The following GUCY2C variants were observed in gnomAD, a reference collection of about 807,000 sequenced individuals.
GUCY2C encodes guanylyl cyclase C.
In GUCY2C, 118 loss-of-function variants were observed where a neutral mutation model predicts 131.1. The ratio of observed to expected loss-of-function variants is 0.90; its 90% CI spans 0.78 to 1.05. The LOEUF is 1.05. Ranked by LOEUF, GUCY2C falls within the 50% of genes least tolerant of loss-of-function variation. The probability of loss-of-function intolerance (pLI) is 0.00; values close to 1 mark genes in which losing one functional copy is unlikely to be tolerated. For missense variants in GUCY2C, 1,161 were observed against 1,304.4 expected (o/e 0.89, Z 1.69); for synonymous variants, 452 against 457.8 (o/e 0.99, Z 0.16).
In GUCY2C at chr12:14,613,190, A is replaced by C. The variant is rs1565600882; in HGVS notation, c.3149T>G (p.Val1050Gly). 6.2e-7 allele frequency: 1 copy of C among 1,613,244 alleles called. No homozygotes were observed. Among genetic ancestry groups the C allele is most frequent in the Non-Finnish European group, 8.5e-7 (1 of 1,179,522 alleles). ...AGIRSQKPRR[V>G]ASYKKGTLEY... ...CAGAGTGCCTTTTTTATAGCTGGCTACCCGTCTGGGTTTTTGGCTTCTTAT... is the reference window on the plus strand; with the variant it reads ...CAGAGTGCCTTTTTTATAGCTGGCTCCCCGTCTGGGTTTTTGGCTTCTTAT... Residue 1050 changes from valine (V) to glycine (G), a missense_variant, in exon 27 of 27, where the codon GTA (valine) becomes GGA (glycine). Val to Gly is a moderately radical substitution (Grantham distance 109, BLOSUM62 -3). Transcript: ENST00000261170. This position sits in a 1 kb window ranked among gnomAD's most constrained non-coding sequence, Gnocchi z 4.9.
At chr12:14,629,304 T>C (rs541144426) in intron 19 of GUCY2C, among the ~76,000 whole-genome samples, 4 of 152,244 alleles carry the variant, frequency 2.6e-5, no homozygotes, top group South Asian at 2.1e-4. Context: ...AAGAAGTTTA[T>C]TGGGGGTCTG....
chr12:14,612,915 C>T lies in GUCY2C; in HGVS notation c.*202G>A. 1 of 493,634 alleles carries T rather than the reference C, an allele frequency of 2.0e-6. No individual in the cohort carries two copies. Among genetic ancestry groups the T allele is most frequent in the East Asian group, 2.9e-5 (1 of 34,018 alleles). The allele number at this position is 493,634 out of a possible 1,614,324, so 30.6% of individuals were successfully genotyped here. A position where few individuals can be genotyped will look rare whatever the true frequency, so the allele number is the denominator to read the frequency against. On this transcript the variant is annotated 3_prime_UTR_variant, in exon 27 of 27. Transcript: ENST00000261170. ...CTGGAACAACTGCTGGAATAAGGTT[C>T]CAGAGTGGAAGGTAGTTATTTCACT... is the stretch of plus-strand genomic sequence containing the variant.
chr12:14,676,133 C>T (rs1329713483), intron 7 of GUCY2C, among the ~76,000 whole-genome samples: 1 of 152,108 alleles, frequency 6.6e-6, no homozygotes, highest in East Asian at 1.9e-4. Flanking sequence ...CCCATCCCAG[C>T]CTGCTCTCAA....
chr12:14,689,328 A>G (rs1461890236), intron 1 of GUCY2C, among the ~76,000 whole-genome samples: 2 of 152,124 alleles, frequency 1.3e-5, no homozygotes, highest in Non-Finnish European at 2.9e-5. Flanking sequence ...GATGAGAAAG[A>G]GTGTGGGTGG....
At chr12:14,677,953 A>G (rs1948274416) in intron 6 of GUCY2C, among the ~76,000 whole-genome samples, 1 of 152,086 alleles carries the variant, frequency 6.6e-6, no homozygotes, top group Admixed American at 6.6e-5. Flanking sequence ...AACTGCTGCA[A>G]TTAGGCTGAC....
intron 24 of GUCY2C, among the ~76,000 whole-genome samples, chr12:14,617,385 T>A (rs1946789063): frequency 6.6e-6 from 1 of 152,154 alleles, no homozygotes; most frequent in South Asian, 2.1e-4. Flanking sequence ...CCTAGGTTTT[T>A]CTCCATAGAT....
chr12:14,679,989 A>G (rs529398029), intron 5 of GUCY2C, among the ~76,000 whole-genome samples: 2 of 151,574 alleles, frequency 1.3e-5, no homozygotes, highest in Admixed American at 6.6e-5. Flanking sequence ...TTTTAATTTT[A>G]TAGATTTAAG....
intron 17 of GUCY2C, 63 bp downstream of exon 17, chr12:14,643,511 C>G: frequency 6.7e-7 from 1 of 1,492,362 alleles, no homozygotes; most frequent in African/African-American, 1.4e-5. Flanking sequence ...TTCCTGACCA[C>G]GCTACATGGG....
intron 20 of GUCY2C, among the ~76,000 whole-genome samples, chr12:14,626,750 G>A (rs964144243): frequency 2.0e-5 from 3 of 152,240 alleles, no homozygotes; most frequent in East Asian, 1.9e-4. Flanking sequence ...ATTATTAAGC[G>A]AAAAAGTCAG....
intron 15 of GUCY2C, among the ~76,000 whole-genome samples, chr12:14,646,482 C>A (rs1387997181): frequency 1.3e-5 from 2 of 152,136 alleles, no homozygotes; most frequent in African/African-American, 2.4e-5. Flanking sequence ...ACCCATCCTA[C>A]CCTGTTCTCA....
At chr12:14,630,404 A>G (rs1326074204) in intron 19 of GUCY2C, among the ~76,000 whole-genome samples, 3 of 152,150 alleles carry the variant, frequency 2.0e-5, no homozygotes, top group Non-Finnish European at 2.9e-5. Flanking sequence ...CTCTGTCTCC[A>G]TGGGTTCTGC....
rs371835339 is a variant in GUCY2C at position 14,625,886 on chromosome 12, T to C, written c.2279A>G (p.Tyr760Cys). Residue 760 changes from tyrosine (Y) to cysteine (C), a missense_variant, in exon 21 of 27, where the codon TAT becomes TGT. By Grantham distance (194) the Tyr-to-Cys change is radical. Coordinates refer to ENST00000261170, the MANE Select transcript of GUCY2C (RefSeq NM_004963.4). ...GLFHDQKNES[Y>C]MDTLIRRLQL... The stretch of plus-strand genomic sequence containing the variant: ...TAGACGTCGGATCAAGGTATCCATA[T>C]AGCTTTCATTTTTTTGGTCATGAAA... The C allele has an allele frequency of 8.7e-6, 14 of 1,613,378 alleles. No individual in the cohort carries two copies. Among genetic ancestry groups the C allele is most frequent in the African/African-American group, 5.3e-5 (4 of 74,912 alleles).
intron 18 of GUCY2C, among the ~76,000 whole-genome samples, chr12:14,640,519 G>C (rs141993635): frequency 2.6e-5 from 4 of 151,168 alleles, no homozygotes; most frequent in Admixed American, 6.6e-5. Flanking sequence ...TGCTACTGTC[G>C]CTGTAAAACT....
At chr12:14,689,848 A>G (rs1265864344) in intron 1 of GUCY2C, among the ~76,000 whole-genome samples, 1 of 152,216 alleles carries the variant, frequency 6.6e-6, no homozygotes, top group African/African-American at 2.4e-5. Flanking sequence ...GATACTGAGT[A>G]AATAGTCTAT....
Position 14,632,221 on chromosome 12 carries a change from C to G in GUCY2C, c.2158-3484G>C, listed in dbSNP as rs560291874. On this transcript the variant is annotated intron_variant, in intron 19 of 26. Transcript: ENST00000261170. ...TAGTTTCTTTTGCTGTGCAGAAGCT[C>G]TTTAGTTTAATTAGATCCCATTTGT... Among the ~76,000 whole-genome samples the G allele has an allele frequency of 8.5e-5, 13 of 152,152 alleles. No homozygotes were observed. In the South Asian group the frequency reaches 2.7e-3, roughly 32 times the overall value.
At chr12:14,622,419 G>C (rs1372296856) in intron 21 of GUCY2C, among the ~76,000 whole-genome samples, 2 of 152,140 alleles carry the variant, frequency 1.3e-5, no homozygotes, top group African/African-American at 4.8e-5. Context: ...AATACAAGCA[G>C]GTTCAACATT....
In GUCY2C at chr12:14,683,257, G is replaced by C. The variant is rs1451870911; in HGVS notation, c.396C>G (p.Tyr132Ter). Reference sequence around the variant, plus strand: ...TGGGGTAGCTCAATTCTGTGTCAAGGCTATGTCAAGAGGTTGAGGAAAAAA... The same window carrying C: ...TGGGGTAGCTCAATTCTGTGTCAAGCCTATGTCAAGAGGTTGAGGAAAAAA... ...PSCTYSTFQM[Y>*]LDTELSYPMI... Residue 132 changes from tyrosine (Y) to a stop codon, truncating the protein, a stop_gained and splice_region_variant, in exon 4 of 27, where the codon TAC (tyrosine) becomes TAG (stop). Transcript: ENST00000261170. LOFTEE classifies it high-confidence loss of function. The C allele has an allele frequency of 5.6e-6, 9 of 1,604,944 alleles. No homozygotes were observed. The highest frequency in any genetic ancestry group is 2.2e-5 in the East Asian group (1 of 44,798).
chr12:14,639,986 A>C, intron 18 of GUCY2C, 36 bp from the exon 19 acceptor site: 1 of 1,271,824 alleles, frequency 7.9e-7, no homozygotes, highest in South Asian at 1.2e-5. Context: ...TACAAAGAAG[A>C]ATACAGCATG....
At chr12:14,664,418 G>A (rs1947928250) in intron 10 of GUCY2C, among the ~76,000 whole-genome samples, 1 of 151,992 alleles carries the variant, frequency 6.6e-6, no homozygotes, top group Admixed American at 6.6e-5. Flanking sequence ...AGGGAATATG[G>A]GGACTCCTCA....
Sources: allele counts gnomAD v4.1 joint callset (sites outside exome capture counted in the v4.1 genomes callset), GRCh38; gene constraint gnomAD v4.1.1; non-coding constraint Gnocchi (gnomAD v3.1); transcripts MANE v1.5; gene names NCBI Gene and HGNC (gene_info 2026-07-23, HGNC 2026-07-21).